Variants in MACROD2 observed in about 807,000 individuals in gnomAD.
The protein encoded by MACROD2 is ADP-ribose glycohydrolase MACROD2.
A neutral mutation model predicts 70.4 loss-of-function variants in MACROD2; 36 were observed. The observed-to-expected ratio is 0.51, with a 90% confidence interval of 0.39 to 0.68. The LOEUF (loss-of-function observed/expected upper bound fraction) is 0.68. Ranked by LOEUF, MACROD2 falls within the 30% of genes least tolerant of loss-of-function variation. The pLI is 0.00. For synonymous variants in MACROD2, 172 were observed against 178.8 expected, an observed-to-expected ratio of 0.96 and a Z score of 0.30; for missense variants, 496 against 538.4, an observed-to-expected ratio of 0.92 and a Z score of 0.78.
chr20:14,083,009 A>G (rs1482612045), intron 2 of MACROD2, among the ~76,000 whole-genome samples: 1 of 152,064 alleles, frequency 6.6e-6, no homozygotes, highest in African/African-American at 2.4e-5. Flanking sequence ...ACTGATAAGC[A>G]ATAGTAATAA....
chr20:14,822,492 A>G (rs1384542751), intron 5 of MACROD2, among the ~76,000 whole-genome samples: 1 of 152,120 alleles, frequency 6.6e-6, no homozygotes, highest in Non-Finnish European at 1.5e-5. Flanking sequence ...ATCATGAGCT[A>G]TGGCTTGGCG....
intron 10 of MACROD2, among the ~76,000 whole-genome samples, chr20:15,925,723 C>T (rs187922655): frequency 2.6e-5 from 4 of 152,294 alleles, no homozygotes; most frequent in Non-Finnish European, 5.9e-5. Context: ...TCATGCATTT[C>T]GTCTCTTTGA....
Position 15,246,065 on chromosome 20 carries a change from T to C in MACROD2, c.540+16004T>C, listed in dbSNP as rs550520100. On this transcript the variant is annotated intron_variant, in intron 6 of 17. Transcript: ENST00000684519. ...TGTAACGAACCATAGGCTAGAATCA[T>C]GTCCTAAAACAATCTAAAGAACTAC... 3.3e-5 allele frequency among the ~76,000 whole-genome samples: 5 copies of C among 152,352 alleles called. 1 individual carries two copies. The South Asian group carries it at 6.2e-4, about 19-fold the overall frequency.
At position 15,722,755 on chromosome 20, in the gene MACROD2, T is replaced by G. The variant is rs377644534; in HGVS notation, c.646-139990T>G. On this transcript the variant is annotated intron_variant, in intron 8 of 17. Coordinates refer to ENST00000684519, the MANE Select transcript of MACROD2 (RefSeq NM_001351661.2). Reference sequence around the variant, plus strand: ...TTAATAAAATTGACATAATCCATCTTTCTCTTATTCTGTACTCTTAATATT... The same window carrying G: ...TTAATAAAATTGACATAATCCATCTGTCTCTTATTCTGTACTCTTAATATT... Among the ~76,000 whole-genome samples, 136 of 152,310 alleles carry G rather than the reference T, an allele frequency of 8.9e-4. 1 individual carries two copies. The highest frequency in any genetic ancestry group is 6.8e-3 in the Middle Eastern group (2 of 294).
intron 5 of MACROD2, among the ~76,000 whole-genome samples, chr20:15,026,977 G>A (rs912686563): frequency 6.6e-6 from 1 of 152,074 alleles, no homozygotes; most frequent in Non-Finnish European, 1.5e-5. Context: ...AAAAATCACT[G>A]GTATTTTCTC....
intron 15 of MACROD2, among the ~76,000 whole-genome samples, chr20:16,019,480 T>C (rs1230007936): frequency 3.3e-5 from 5 of 152,206 alleles, no homozygotes; most frequent in Non-Finnish European, 1.5e-5. Flanking sequence ...CTTGCCATCA[T>C]GCACCCACAT....
intron 6 of MACROD2, among the ~76,000 whole-genome samples, chr20:15,314,035 T>C (rs2077782247): frequency 6.6e-6 from 1 of 152,144 alleles, no homozygotes; most frequent in Admixed American, 6.6e-5. Context: ...ATAATGAATA[T>C]CTAGGACAAA....
chr20:14,479,211 G>A (rs1294406096), intron 3 of MACROD2, among the ~76,000 whole-genome samples: 1 of 152,086 alleles, frequency 6.6e-6, no homozygotes, highest in African/African-American at 2.4e-5. Flanking sequence ...AGATTCCCCA[G>A]TGCCTGTGCT....
intron 5 of MACROD2, among the ~76,000 whole-genome samples, chr20:14,980,099 G>A (rs78751423): frequency 1.5e-3 from 228 of 152,130 alleles, no homozygotes; most frequent in African/African-American, 5.3e-3. Flanking sequence ...TGACAATCTT[G>A]CTGTCATTTG....
At chr20:15,582,062 C>G (rs181788472) in intron 8 of MACROD2, among the ~76,000 whole-genome samples, 31 of 151,626 alleles carry the variant, frequency 2.0e-4, no homozygotes, top group African/African-American at 7.2e-4. Context: ...GCCAAGGTTG[C>G]ACTGAGCCGA....
chr20:15,671,503 A>G (rs10485537), intron 8 of MACROD2, among the ~76,000 whole-genome samples: 6,126 of 152,278 alleles, frequency 0.04, 251 homozygotes, highest in East Asian at 0.21. Context: ...GTTACTGAAC[A>G]TCATAAAGAA....
chr20:15,817,695 A>T (rs1301790150), intron 8 of MACROD2, among the ~76,000 whole-genome samples: 1 of 152,108 alleles, frequency 6.6e-6, no homozygotes. Flanking sequence ...TCTCTCCTGG[A>T]TCACCACCAC....
chr20:14,149,472 G>A (rs2054987955), intron 3 of MACROD2, among the ~76,000 whole-genome samples: 1 of 152,062 alleles, frequency 6.6e-6, no homozygotes, highest in Non-Finnish European at 1.5e-5. Flanking sequence ...CATACATTCA[G>A]TGGAACCATT....
chr20:14,270,943 G>A (rs1321959597), intron 3 of MACROD2, among the ~76,000 whole-genome samples: 1 of 152,228 alleles, frequency 6.6e-6, no homozygotes, highest in Non-Finnish European at 1.5e-5. Flanking sequence ...TGGGGGAGGA[G>A]CGCCCGCCAT....
intron 6 of MACROD2, among the ~76,000 whole-genome samples, chr20:15,334,081 A>G (rs1330155019): frequency 6.6e-6 from 1 of 151,674 alleles, no homozygotes; most frequent in Non-Finnish European, 1.5e-5. Context: ...CCCAAAACAG[A>G]GGGACACAAG....
chr20:15,638,476 G>A (rs925802004), intron 8 of MACROD2, among the ~76,000 whole-genome samples: 1 of 152,216 alleles, frequency 6.6e-6, no homozygotes, highest in Non-Finnish European at 1.5e-5. Context: ...TAGGCCATGA[G>A]TCTGAATGTG....
At chr20:14,335,069 G>A (rs972001146) in intron 3 of MACROD2, among the ~76,000 whole-genome samples, 1 of 152,034 alleles carries the variant, frequency 6.6e-6, no homozygotes, top group African/African-American at 2.4e-5. Flanking sequence ...ATTAAGACAA[G>A]GCCAATTCCC....
At chr20:14,674,561 G>C (rs773266431) in intron 4 of MACROD2, among the ~76,000 whole-genome samples, 20 of 152,142 alleles carry the variant, frequency 1.3e-4, no homozygotes, top group Non-Finnish European at 2.5e-4. Context: ...TTTAAATGGT[G>C]GCACTAGGAT....
intron 5 of MACROD2, among the ~76,000 whole-genome samples, chr20:15,053,740 TA>T (rs1321044584): frequency 6.6e-6 from 1 of 152,170 alleles, no homozygotes; most frequent in Non-Finnish European, 1.5e-5. Context: ...TCTTATTATT[TA>T]AAGAATACAT....
Sources: gnomAD v4.1 joint callset for allele counts (sites outside exome capture counted in the v4.1 genomes callset) on GRCh38, gnomAD v4.1.1 for gene constraint, MANE v1.5 for transcripts, NCBI Gene and HGNC (gene_info 2026-07-23, HGNC 2026-07-21) for gene names.